Variants in PPP3CA observed in about 807,000 individuals in gnomAD.
PPP3CA encodes CAM-PRP catalytic subunit.
PPP3CA carries 14 observed loss-of-function variants against 66.5 expected under a neutral mutation model. The observed-to-expected ratio is 0.21, with a 90% CI of 0.14 to 0.33. The LOEUF (loss-of-function observed/expected upper bound fraction) is 0.33, where lower values mean the gene tolerates loss of function less well. PPP3CA is among the 10% of genes least tolerant of loss of function. The pLI, the probability that PPP3CA is intolerant of heterozygous loss-of-function variation, is 1.00. For missense variants in PPP3CA, 317 were observed against 639.5 expected (o/e 0.50, Z 5.44); for synonymous variants, 232 against 226.2 (o/e 1.03, Z -0.23).
intron 1 of PPP3CA, among the ~76,000 whole-genome samples, chr4:101,290,809 C>T (rs933940106): frequency 1.3e-5 from 2 of 152,174 alleles, no homozygotes; most frequent in African/African-American, 2.4e-5. Context: ...GGCTTGGAGG[C>T]AATCAATGAA....
intron 2 of PPP3CA, among the ~76,000 whole-genome samples, chr4:101,193,327 G>A (rs1724671430): frequency 6.6e-6 from 1 of 152,030 alleles, no homozygotes; most frequent in Admixed American, 6.6e-5. Context: ...GTGTTTGCAA[G>A]AATACAAAGA....
chr4:101,090,425 G>A (rs933490278), intron 6 of PPP3CA, among the ~76,000 whole-genome samples: 1 of 151,830 alleles, frequency 6.6e-6, no homozygotes, highest in Non-Finnish European at 1.5e-5. Context: ...GATCACCTGA[G>A]GTCAGGAGTT....
At chr4:101,033,818 C>A (rs2110206726) in intron 11 of PPP3CA, among the ~76,000 whole-genome samples, 1 of 152,310 alleles carries the variant, frequency 6.6e-6, no homozygotes, top group South Asian at 2.1e-4. Flanking sequence ...CACTTCTAGT[C>A]ACTTTCTGTA....
intron 2 of PPP3CA, among the ~76,000 whole-genome samples, chr4:101,177,247 G>A (rs1724091318): frequency 6.6e-6 from 1 of 152,138 alleles, no homozygotes; most frequent in Non-Finnish European, 1.5e-5. Context: ...AGGGTAGCAG[G>A]AGGAAACCCT....
chr4:101,143,410 G>C (rs887604653), intron 2 of PPP3CA, among the ~76,000 whole-genome samples: 10 of 152,024 alleles, frequency 6.6e-5, no homozygotes, highest in Non-Finnish European at 1.2e-4. Context: ...CTCATTCTCT[G>C]TTGCTACTGT....
chr4:101,237,641 T>C (rs1031306327), intron 1 of PPP3CA, among the ~76,000 whole-genome samples: 2 of 152,042 alleles, frequency 1.3e-5, no homozygotes, highest in African/African-American at 4.8e-5. Flanking sequence ...TTCGTGTAAT[T>C]TTGAACAATA....
At chr4:101,175,098 C>T (rs1279713353) in intron 2 of PPP3CA, among the ~76,000 whole-genome samples, 1 of 151,966 alleles carries the variant, frequency 6.6e-6, no homozygotes, top group African/African-American at 2.4e-5. Flanking sequence ...GGTGTAAATG[C>T]CTTGAAAACA....
chr4:101,255,608 A>G (rs1357267819), intron 1 of PPP3CA, among the ~76,000 whole-genome samples: 1 of 151,910 alleles, frequency 6.6e-6, no homozygotes, highest in African/African-American at 2.4e-5. Flanking sequence ...AACAATTCTA[A>G]CATCTTATTG....
At chr4:101,077,570 T>C (rs1218941120) in intron 8 of PPP3CA, among the ~76,000 whole-genome samples, 5 of 152,238 alleles carry the variant, frequency 3.3e-5, no homozygotes, top group African/African-American at 1.2e-4. Context: ...CTGTATACAC[T>C]GTTAGTATAA....
chr4:101,333,520 C>T (rs1242785305), intron 1 of PPP3CA, among the ~76,000 whole-genome samples: 2 of 151,782 alleles, frequency 1.3e-5, no homozygotes, highest in East Asian at 3.9e-4. Context: ...AAAATCGTCC[C>T]TGTTGATTGG....
At chr4:101,253,619 C>T (rs1009596431) in intron 1 of PPP3CA, among the ~76,000 whole-genome samples, 1 of 152,202 alleles carries the variant, frequency 6.6e-6, no homozygotes, top group Admixed American at 6.5e-5. Context: ...TAAATATTTA[C>T]TAAACATTAT....
chr4:101,094,429 G>GAACA (rs1203960390), intron 5 of PPP3CA, among the ~76,000 whole-genome samples: 2 of 152,036 alleles, frequency 1.3e-5, no homozygotes, highest in African/African-American at 4.8e-5. Flanking sequence ...TTATATTTAA[G>GAACA]AACATGATTT....
intron 2 of PPP3CA, among the ~76,000 whole-genome samples, chr4:101,110,861 C>T (rs1721646859): frequency 6.6e-6 from 1 of 152,134 alleles, no homozygotes; most frequent in South Asian, 2.1e-4. Context: ...GCTCTGGGGA[C>T]TTCCACAGCT....
chr4:101,315,512 A>G (rs1728857591), intron 1 of PPP3CA, among the ~76,000 whole-genome samples: 1 of 152,224 alleles, frequency 6.6e-6, no homozygotes, highest in Non-Finnish European at 1.5e-5. Context: ...TGACATTGAC[A>G]TGTGGGAATC....
At chr4:101,142,826 G>A (rs377079649) in intron 2 of PPP3CA, among the ~76,000 whole-genome samples, 1 of 152,304 alleles carries the variant, frequency 6.6e-6, no homozygotes, top group South Asian at 2.1e-4. Flanking sequence ...TCCACAGCAA[G>A]GCAGCTGGGG....
intron 1 of PPP3CA, 30 bp downstream of exon 1, chr4:101,346,709 G>C: frequency 6.3e-7 from 1 of 1,595,144 alleles, no homozygotes; most frequent in Non-Finnish European, 8.6e-7. Flanking sequence ...GGCACACGGT[G>C]CACCCAGGCC....
At chr4:101,109,435 C>T (rs762445528) in intron 2 of PPP3CA, among the ~76,000 whole-genome samples, 3 of 151,350 alleles carry the variant, frequency 2.0e-5, no homozygotes, top group African/African-American at 7.3e-5. Context: ...CCTAAAAATG[C>T]CATGAGATAT....
At chr4:101,346,134 G>C (rs1425255945) in intron 1 of PPP3CA, among the ~76,000 whole-genome samples, 1 of 150,924 alleles carries the variant, frequency 6.6e-6, no homozygotes, top group Non-Finnish European at 1.5e-5. Context: ...GAAGCGCCGG[G>C]CTCCCCCCAC....
At chr4:101,300,946 A>C (rs1399787936) in intron 1 of PPP3CA, among the ~76,000 whole-genome samples, 2 of 152,218 alleles carry the variant, frequency 1.3e-5, no homozygotes, top group Non-Finnish European at 2.9e-5. Context: ...TCTGGTAGAC[A>C]CCAAAAAATA....
Sources: allele counts gnomAD v4.1 joint callset (sites outside exome capture counted in the v4.1 genomes callset), GRCh38; gene constraint gnomAD v4.1.1; transcripts MANE v1.5; gene names NCBI Gene and HGNC (gene_info 2026-07-23, HGNC 2026-07-21).